SVEP1: variants seen among roughly 807,000 people sequenced by gnomAD.
The protein encoded by SVEP1 is sushi, von Willebrand factor type A, EGF and pentraxin domain containing 1.
Under a neutral mutation model 367.3 loss-of-function variants are expected in SVEP1, and 164 were observed. The observed-to-expected ratio is 0.45, with a 90% CI of 0.39 to 0.51. SVEP1 has a LOEUF of 0.51. Among genes scored for constraint, SVEP1 ranks in the 20% least tolerant of loss-of-function variants. The probability of loss-of-function intolerance (pLI) is 0.00; values close to 1 mark genes in which losing one functional copy is unlikely to be tolerated. For missense variants in SVEP1, 4,117 were observed against 4,425.3 expected, an observed-to-expected ratio of 0.93 and a Z score of 1.98; for synonymous variants, 1,666 against 1,611.6, an observed-to-expected ratio of 1.03 and a Z score of -0.81.
intron 13 of SVEP1, 133 bp from the exon 14 acceptor site, chr9:110,476,448 T>C: frequency 1.5e-6 from 1 of 658,588 alleles, no homozygotes; most frequent in South Asian, 1.7e-5. Flanking sequence ...TGCACATTCC[T>C]CAAAGGGATT....
chr9:110,549,780 T>C (rs1378185304), intron 2 of SVEP1, 69 bp downstream of exon 2: 11 of 1,569,468 alleles, frequency 7.0e-6, no homozygotes, highest in Non-Finnish European at 9.5e-6. Flanking sequence ...CTCCCATGGG[T>C]TTCAAGCAGT....
chr9:110,514,282 C>G, intron 3 of SVEP1, 176 bp from the exon 4 acceptor site: 1 of 730,946 alleles, frequency 1.4e-6, no homozygotes, highest in East Asian at 3.0e-5. Context: ...GAAGCAGAGG[C>G]GGGTGGATCA....
At chr9:110,462,823 C>T (rs1197544931) in intron 18 of SVEP1, among the ~76,000 whole-genome samples, 1 of 151,914 alleles carries the variant, frequency 6.6e-6, no homozygotes, top group Non-Finnish European at 1.5e-5. Context: ...TGTCATATCA[C>T]TTGTGCTGTT....
rs2118498028 is a variant in SVEP1, at chr9:110,408,962, G to A, written c.6649-11C>T. On this transcript the variant is annotated splice_polypyrimidine_tract_variant and intron_variant, in intron 37 of 47. Transcript: ENST00000374469. The stretch of plus-strand genomic sequence containing the variant: ...CCTGCCAGTTGTATGCTGTGCAACA[G>A]GAAGAAAGCAAGTGAGTGCGATTTG... 1.9e-6 allele frequency: 3 copies of A among 1,547,380 alleles called. No individual in the cohort carries two copies. The highest frequency in any genetic ancestry group is 4.5e-5 in the East Asian group (2 of 44,344).
Position 110,411,618 on chromosome 9 carries a change from A to G in SVEP1, c.6093T>C (p.Ser2031=), listed in dbSNP as rs568733563. 1.2e-6 allele frequency: 2 copies of G among 1,613,486 alleles called. No individual in the cohort carries two copies. The highest frequency in any genetic ancestry group is 2.7e-5 in the African/African-American group (2 of 75,050). ...CAAAGAGCCGATGGGCAGTCTCTGG[A>G]GAGGCGTGGTCCACAATGGGTGGCT... The part of the protein sequence containing the change: ...CDEPPIVDHA[S]PETAHRLFGD... Residue 2031 remains serine, a synonymous_variant, in exon 37 of 48, where the codon TCT becomes TCC. Transcript: ENST00000374469.
In SVEP1 at chr9:110,481,388, C is replaced by A; in HGVS notation, c.2219G>T (p.Cys740Phe). ...GTTGACTCCAGTATTATCTGGAGTGCATATAAAATCCCCATTTACAGGTGT... is the reference window on the plus strand; with the variant it reads ...GTTGACTCCAGTATTATCTGGAGTGAATATAAAATCCCCATTTACAGGTGT... Reference protein sequence around the residue: ...PFTPVNGDFICTPDNTGVNCT... With the variant: ...PFTPVNGDFIFTPDNTGVNCT... Residue 740 changes from cysteine (C) to phenylalanine (F), a missense_variant, in exon 12 of 48, where the codon TGC becomes TTC. Around this residue, in one of 4 missense-constraint regions of SVEP1, gnomAD observed 2,174 missense variants for 2,494.3 expected, o/e 0.87. Coordinates refer to ENST00000374469, the MANE Select transcript of SVEP1 (RefSeq NM_153366.4). 1 of 1,603,182 alleles carries A rather than the reference C, an allele frequency of 6.2e-7. No individual in the cohort carries two copies. Among genetic ancestry groups the A allele is most frequent in the South Asian group, 1.1e-5 (1 of 88,332 alleles).
chr9:110,463,190 T>G (rs1376035264), intron 18 of SVEP1, among the ~76,000 whole-genome samples: 2 of 141,160 alleles, frequency 1.4e-5, no homozygotes, highest in African/African-American at 5.3e-5. Context: ...TCATCTTTTC[T>G]TCTCCTATAG....
At chr9:110,514,498 A>G (rs1250772871) in intron 3 of SVEP1, among the ~76,000 whole-genome samples, 1 of 146,418 alleles carries the variant, frequency 6.8e-6, no homozygotes, top group Non-Finnish European at 1.5e-5. Context: ...GGGCAACAAG[A>G]GCAAAACTCC....
chr9:110,430,498 C>G, intron 32 of SVEP1, 48 bp from the exon 33 acceptor site: 1 of 1,536,868 alleles, frequency 6.5e-7, no homozygotes, highest in Non-Finnish European at 8.8e-7. Flanking sequence ...TTCACACAAC[C>G]ATGCAAAGTC....
intron 3 of SVEP1, among the ~76,000 whole-genome samples, chr9:110,541,711 T>C (rs1830146759): frequency 6.6e-6 from 1 of 151,190 alleles, no homozygotes; most frequent in South Asian, 2.1e-4. Flanking sequence ...TAGTTTTGCA[T>C]ACACATACAC....
intron 3 of SVEP1, among the ~76,000 whole-genome samples, chr9:110,521,423 T>G (rs1337086853): frequency 6.6e-6 from 1 of 152,184 alleles, no homozygotes; most frequent in Admixed American, 6.5e-5. Flanking sequence ...GATGCCATAT[T>G]GCAAATGTAA....
chr9:110,378,705 G>A (rs1008642891), intron 44 of SVEP1, among the ~76,000 whole-genome samples: 3 of 143,098 alleles, frequency 2.1e-5, no homozygotes, highest in Non-Finnish European at 4.5e-5. Context: ...GGTGGGAATT[G>A]AACGATGAGA....
At chr9:110,541,368 G>T (rs12001322) in intron 3 of SVEP1, among the ~76,000 whole-genome samples, 109,044 of 151,946 alleles carry the variant, frequency 0.72, 39,984 homozygotes, top group Admixed American at 0.79. Flanking sequence ...CCATCTAATA[G>T]TCTTGCTTTT....
chr9:110,520,092 T>TA (rs1254148488), intron 3 of SVEP1, among the ~76,000 whole-genome samples: 4 of 152,148 alleles, frequency 2.6e-5, no homozygotes, highest in African/African-American at 9.7e-5. Flanking sequence ...CCAAAATCTT[T>TA]TAAATAATCA....
chr9:110,383,963 GA>G (rs34979308), intron 43 of SVEP1, among the ~76,000 whole-genome samples: 1 of 150,978 alleles, frequency 6.6e-6, no homozygotes, highest in Non-Finnish European at 1.5e-5. Context: ...CACCAGCAGG[GA>G]AAAAAAAATG....
chr9:110,480,753 T>C (rs1283456083), intron 12 of SVEP1, among the ~76,000 whole-genome samples: 1 of 151,922 alleles, frequency 6.6e-6, no homozygotes, highest in Non-Finnish European at 1.5e-5. Context: ...CAACTTAGCC[T>C]CCTAAATAAC....
chr9:110,462,242 T>A (rs777271995), intron 18 of SVEP1, among the ~76,000 whole-genome samples: 1 of 152,090 alleles, frequency 6.6e-6, no homozygotes, highest in Non-Finnish European at 1.5e-5. Flanking sequence ...TACTAAGATG[T>A]AATAGTAATA....
chr9:110,468,881 C>T (rs1358237498), intron 17 of SVEP1, 59 bp downstream of exon 17: 4 of 1,464,926 alleles, frequency 2.7e-6, no homozygotes, highest in Non-Finnish European at 3.7e-6. Context: ...TCTTTCTTTC[C>T]CCCAAAAGGG....
At chr9:110,521,667 G>T (rs1015492704) in intron 3 of SVEP1, among the ~76,000 whole-genome samples, 1 of 152,272 alleles carries the variant, frequency 6.6e-6, no homozygotes, top group South Asian at 2.1e-4. Flanking sequence ...GTTGTTGAAA[G>T]CTCTGTATTC....
Sources: allele counts gnomAD v4.1 joint callset (sites outside exome capture counted in the v4.1 genomes callset), GRCh38; gene constraint gnomAD v4.1.1; regional missense constraint gnomAD v4.1.1; transcripts MANE v1.5; gene names NCBI Gene and HGNC (gene_info 2026-07-23, HGNC 2026-07-21).